RBFOX1: variants seen among roughly 807,000 people sequenced by gnomAD.
The protein encoded by RBFOX1 is RNA binding fox-1 homolog 1.
Under a neutral mutation model 57.7 loss-of-function variants are expected in RBFOX1, and 8 were observed. The observed-to-expected ratio is 0.14, with a 90% confidence interval of 0.08 to 0.25. RBFOX1 has a LOEUF of 0.25. RBFOX1 is among the 10% of genes least tolerant of loss of function. The pLI, the probability that RBFOX1 is intolerant of heterozygous loss-of-function variation, is 1.00. For missense variants in RBFOX1, 611 were observed against 548.5 expected (o/e 1.11, Z -1.14); for synonymous variants, 326 against 222.4 (o/e 1.47, Z -4.15).
At chr16:5,808,462 A>G in intron 3 of RBFOX1, among the ~76,000 whole-genome samples, 1 of 152,210 alleles carries the variant, frequency 6.6e-6, no homozygotes, top group Non-Finnish European at 1.5e-5. Context: ...GAAGAAAGTC[A>G]TTGGTAGCTT....
intron 3 of RBFOX1, among the ~76,000 whole-genome samples, chr16:6,940,811 T>C (rs2078270571): frequency 1.9e-5 from 2 of 105,784 alleles, no homozygotes; most frequent in African/African-American, 8.2e-5. Context: ...TGTGTGTGTG[T>C]AGCTGGGAGT....
At chr16:7,430,030 G>A (rs1186027772) in intron 4 of RBFOX1, among the ~76,000 whole-genome samples, 1 of 152,106 alleles carries the variant, frequency 6.6e-6, no homozygotes, top group Non-Finnish European at 1.5e-5. Flanking sequence ...TTTTTCCCCA[G>A]CTCCTAACAT....
At chr16:6,386,632 C>A (rs529289097) in intron 2 of RBFOX1, among the ~76,000 whole-genome samples, 5 of 152,156 alleles carry the variant, frequency 3.3e-5, no homozygotes, top group African/African-American at 1.2e-4. Flanking sequence ...ACCATTGCGT[C>A]CCAAAGAGAG....
At chr16:5,884,561 T>C (rs921229739) in intron 4 of RBFOX1, among the ~76,000 whole-genome samples, 3 of 151,598 alleles carry the variant, frequency 2.0e-5, no homozygotes, top group Admixed American at 6.6e-5. Flanking sequence ...TTCTGCCCAA[T>C]GGAAGGTGGG....
At chr16:7,103,185 G>A (rs1057130211) in intron 4 of RBFOX1, among the ~76,000 whole-genome samples, 1 of 152,042 alleles carries the variant, frequency 6.6e-6, no homozygotes, top group African/African-American at 2.4e-5. Context: ...TTCTTTCCAA[G>A]TTGTGATTTT....
chr16:5,405,295 A>G (rs1336966033), intron 1 of RBFOX1, among the ~76,000 whole-genome samples: 1 of 152,236 alleles, frequency 6.6e-6, no homozygotes, highest in East Asian at 1.9e-4. Flanking sequence ...TGTCATGGAA[A>G]GGACCTGGTG....
chr16:7,420,073 G>C (rs141728512), intron 4 of RBFOX1, among the ~76,000 whole-genome samples: 7 of 152,096 alleles, frequency 4.6e-5, no homozygotes, highest in African/African-American at 1.4e-4. Context: ...TAACAAATGA[G>C]GGTACATTTG....
At chr16:6,023,005 A>C (rs7195718) in intron 1 of RBFOX1, among the ~76,000 whole-genome samples, 1 of 151,562 alleles carries the variant, frequency 6.6e-6, no homozygotes, top group African/African-American at 2.4e-5. Context: ...AAAATCGTCA[A>C]ACTCATAGAA....
chr16:7,141,766 T>C (rs967926709), intron 4 of RBFOX1, among the ~76,000 whole-genome samples: 2 of 152,166 alleles, frequency 1.3e-5, no homozygotes, highest in African/African-American at 2.4e-5. Flanking sequence ...TTTCCTACTC[T>C]GTCCCTGCTG....
At chr16:6,198,291 A>G (rs2097193443) in intron 1 of RBFOX1, among the ~76,000 whole-genome samples, 1 of 152,210 alleles carries the variant, frequency 6.6e-6, no homozygotes, top group African/African-American at 2.4e-5. Context: ...TTGAGTAGAT[A>G]AAAAGGAGAA....
chr16:7,143,225 G>A (rs1331715994), intron 4 of RBFOX1, among the ~76,000 whole-genome samples: 2 of 152,016 alleles, frequency 1.3e-5, no homozygotes, highest in African/African-American at 4.8e-5. Context: ...TTTTCTTTGT[G>A]TTTTGATCAG....
intron 3 of RBFOX1, among the ~76,000 whole-genome samples, chr16:6,896,569 T>C (rs772282642): frequency 6.6e-6 from 1 of 152,150 alleles, no homozygotes; most frequent in Non-Finnish European, 1.5e-5. Flanking sequence ...TAATCTCCAG[T>C]TCCATCTTTG....
At chr16:6,796,053 G>A (rs2154252521) in intron 3 of RBFOX1, among the ~76,000 whole-genome samples, 1 of 149,974 alleles carries the variant, frequency 6.7e-6, no homozygotes, top group South Asian at 2.1e-4. Flanking sequence ...CTGAGATTGG[G>A]CAATTTACAA....
chr16:6,879,752 T>C (rs527788074), intron 3 of RBFOX1, among the ~76,000 whole-genome samples: 1 of 152,348 alleles, frequency 6.6e-6, no homozygotes, highest in East Asian at 1.9e-4. Flanking sequence ...CTTAACAGTG[T>C]TCCTGGCTGT....
intron 14 of RBFOX1, among the ~76,000 whole-genome samples, chr16:7,702,522 A>ATGGG (rs2081089602): frequency 2.0e-5 from 3 of 152,228 alleles, no homozygotes; most frequent in Non-Finnish European, 4.4e-5. Flanking sequence ...AATGCCCATA[A>ATGGG]CAGTTTATGA....
intron 2 of RBFOX1, among the ~76,000 whole-genome samples, chr16:6,637,521 A>G (rs1165413940): frequency 9.4e-6 from 1 of 106,080 alleles, no homozygotes; most frequent in Non-Finnish European, 1.8e-5. Flanking sequence ...TAGTATATAT[A>G]ATATTCTGTA....
chr16:6,323,478 G>T (rs1032492930), intron 2 of RBFOX1, among the ~76,000 whole-genome samples: 19 of 152,122 alleles, frequency 1.2e-4, no homozygotes, highest in Non-Finnish European at 1.3e-4. Flanking sequence ...TGACAAGCAG[G>T]TACATATTTT....
At chr16:5,867,606 C>G (rs55758013) in intron 4 of RBFOX1, among the ~76,000 whole-genome samples, 1 of 152,198 alleles carries the variant, frequency 6.6e-6, no homozygotes, top group Non-Finnish European at 1.5e-5. Context: ...TCTAGCCCAG[C>G]TCAGACAAAG....
intron 4 of RBFOX1, among the ~76,000 whole-genome samples, chr16:7,247,799 A>C (rs1172645835): frequency 6.6e-6 from 1 of 152,188 alleles, no homozygotes; most frequent in African/African-American, 2.4e-5. Flanking sequence ...TGTGGTTCCA[A>C]ACACTGCATG....
Sources: gnomAD v4.1 joint callset for allele counts (sites outside exome capture counted in the v4.1 genomes callset) on GRCh38, gnomAD v4.1.1 for gene constraint, MANE v1.5 for transcripts, NCBI Gene and HGNC (gene_info 2026-07-23, HGNC 2026-07-21) for gene names.